LARP1: variants seen among roughly 807,000 people sequenced by gnomAD.
LARP1 encodes la-related protein 1.
In LARP1, 36 loss-of-function variants were observed where a neutral mutation model predicts 122.7. That is an observed-to-expected ratio of 0.29 (90% CI 0.22 to 0.39). The LOEUF is 0.39. LARP1 is among the 10% of genes least tolerant of loss of function. The probability of loss-of-function intolerance (pLI) is 1.00; values close to 1 mark genes in which losing one functional copy is unlikely to be tolerated. For synonymous variants in LARP1, 539 were observed against 528.7 expected (o/e 1.02, Z -0.27); for missense variants, 1,040 against 1,403.6 (o/e 0.74, Z 4.14).
intron 1 of LARP1, among the ~76,000 whole-genome samples, chr5:154,740,103 A>AG: frequency 6.6e-6 from 1 of 151,336 alleles, no homozygotes; most frequent in East Asian, 2.0e-4. Flanking sequence ...AAAAAAAAAA[A>AG]AAAAATAGCT....
Position 154,793,957 on chromosome 5 carries a change from G to A in LARP1, c.1026G>A (p.Arg342=), listed in dbSNP as rs1308321609. The A allele has an allele frequency of 3.7e-6, 6 of 1,612,382 alleles. No individual in the cohort carries two copies. Among genetic ancestry groups the A allele is most frequent in the Non-Finnish European group, 3.4e-6 (4 of 1,178,858 alleles). Residue 342 remains arginine (R), a synonymous_variant, in exon 6 of 19, where the codon CGG becomes CGA. Transcript: ENST00000518297. ...GGGCTTCCTTCCGTGGCCGTGGACG[G>A]GGGCGTGGTCGCGGCCGGGGACGCG... The part of the protein sequence containing the change: ...GARASFRGRG[R]GRGRGRGRGR...
At chr5:154,760,576 A>G (rs982341368) in intron 1 of LARP1, among the ~76,000 whole-genome samples, 5 of 152,200 alleles carry the variant, frequency 3.3e-5, no homozygotes, top group East Asian at 1.9e-4. Context: ...TGTGCCTTAC[A>G]GTGTCTGAAA....
At chr5:154,733,184 G>T (rs572465706) in intron 1 of LARP1, among the ~76,000 whole-genome samples, 30 of 152,314 alleles carry the variant, frequency 2.0e-4, no homozygotes, top group South Asian at 4.1e-4. Flanking sequence ...AGTGGTAGGG[G>T]TATTGTTTGA....
At chr5:154,769,291 C>CA (rs1482881155) in intron 1 of LARP1, among the ~76,000 whole-genome samples, 4 of 152,210 alleles carry the variant, frequency 2.6e-5, no homozygotes, top group Admixed American at 2.6e-4. Context: ...TGAAGAGTGC[C>CA]ACAGCTTGGC....
chr5:154,727,030 G>T (rs1756259953), intron 1 of LARP1, among the ~76,000 whole-genome samples: 1 of 152,222 alleles, frequency 6.6e-6, no homozygotes, highest in Admixed American at 6.5e-5. Flanking sequence ...AAGGTGAGAT[G>T]TGGGTGGGGA....
chr5:154,761,802 C>T (rs1754470589), intron 1 of LARP1, among the ~76,000 whole-genome samples: 1 of 152,172 alleles, frequency 6.6e-6, no homozygotes, highest in African/African-American at 2.4e-5. Context: ...AGAACATGGG[C>T]AGGGTACTTC....
At chr5:154,756,588 C>CAAAACGGGGAGCG in intron 1 of LARP1, 1 of 818,762 alleles carries the variant, frequency 1.2e-6, no homozygotes, top group Non-Finnish European at 1.5e-6. Context: ...CCCGGCGCTC[C>CAAAACGGGGAGCG]CCGTTTTGGT....
At chr5:154,784,161 G>A (rs1473533899) in intron 1 of LARP1, among the ~76,000 whole-genome samples, 1 of 152,200 alleles carries the variant, frequency 6.6e-6, no homozygotes, top group African/African-American at 2.4e-5. Context: ...AGCCTCTTCT[G>A]GTGTGAAGTC....
intron 1 of LARP1, among the ~76,000 whole-genome samples, chr5:154,692,660 T>C (rs1754278393): frequency 6.6e-6 from 1 of 152,188 alleles, no homozygotes; most frequent in South Asian, 2.1e-4. Context: ...TTCTTCGTCC[T>C]CTATCTGCTC....
At chr5:154,699,877 T>A (rs1194770506) in intron 1 of LARP1, among the ~76,000 whole-genome samples, 1 of 152,180 alleles carries the variant, frequency 6.6e-6, no homozygotes, top group Non-Finnish European at 1.5e-5. Context: ...GCCCTGTCCC[T>A]CCTATGCAAG....
intron 1 of LARP1, among the ~76,000 whole-genome samples, chr5:154,720,048 AG>A (rs1281439483): frequency 2.0e-5 from 3 of 151,988 alleles, no homozygotes; most frequent in African/African-American, 7.2e-5. Context: ...AAAATTAGCC[AG>A]GCGTGATGGC....
At chr5:154,695,521 G>A (rs1020189625) in intron 1 of LARP1, among the ~76,000 whole-genome samples, 6 of 151,886 alleles carry the variant, frequency 4.0e-5, no homozygotes, top group African/African-American at 1.5e-4. Flanking sequence ...GCTGGGCATG[G>A]TGGCGCGCGC....
chr5:154,761,615 AG>A (rs1288675690), intron 1 of LARP1, among the ~76,000 whole-genome samples: 1 of 152,208 alleles, frequency 6.6e-6, no homozygotes, highest in Non-Finnish European at 1.5e-5. Flanking sequence ...CAGGTGCCTC[AG>A]TCCAGACTCA....
intron 1 of LARP1, among the ~76,000 whole-genome samples, chr5:154,702,050 C>T (rs1183978227): frequency 1.3e-5 from 2 of 152,110 alleles, no homozygotes; most frequent in Admixed American, 1.3e-4. Flanking sequence ...GAGGAGACAT[C>T]CTGATGATAC....
At chr5:154,800,095 T>C (rs1758222711) in intron 10 of LARP1, 53 bp downstream of exon 10, 3 of 1,544,698 alleles carry the variant, frequency 1.9e-6, no homozygotes, top group Non-Finnish European at 2.7e-6. Context: ...GCTAGGGTGC[T>C]TGAAGGGGAT....
upstream of LARP1, among the ~76,000 whole-genome samples, chr5:154,750,710 C>T (rs1443573623): frequency 6.6e-6 from 1 of 152,118 alleles, no homozygotes; most frequent in Non-Finnish European, 1.5e-5. Flanking sequence ...CAGGCTCAAG[C>T]AATCCTTCCA....
chr5:154,784,226 G>C (rs1756702454), intron 1 of LARP1, among the ~76,000 whole-genome samples: 1 of 152,206 alleles, frequency 6.6e-6, no homozygotes. Flanking sequence ...TAGACACTGG[G>C]GTACTGCTGT....
At chr5:154,753,090 C>T (rs1217878009), upstream of LARP1, among the ~76,000 whole-genome samples, 1 of 152,170 alleles carries the variant, frequency 6.6e-6, no homozygotes. Flanking sequence ...CTGTTTCTGA[C>T]TGCTGAGTAG....
chr5:154,701,175 C>T lies in LARP1; in HGVS notation c.-180+18138C>T, dbSNP rs570799847. Among the ~76,000 whole-genome samples the T allele has an allele frequency of 7.9e-5, 12 of 152,160 alleles. No homozygotes were observed. The South Asian group carries it at 2.5e-3, about 32-fold the overall frequency. On this transcript the variant is annotated intron_variant, in intron 1 of 18. Transcript: ENST00000687700. ...TTTTGTCTTAATTTAGTGCCAATGG[C>T]AAGTGCCTCACTTGCCTTACCCTTA...
Sources: allele counts gnomAD v4.1 joint callset (sites outside exome capture counted in the v4.1 genomes callset), GRCh38; gene constraint gnomAD v4.1.1; transcripts MANE v1.5; gene names NCBI Gene and HGNC (gene_info 2026-07-23, HGNC 2026-07-21).